The following UBE2E2 variants were observed in gnomAD, a reference collection of about 807,000 sequenced individuals.
UBE2E2 encodes the protein ubiquitin conjugating enzyme E2 E2, also known as ubiquitin-conjugating enzyme E2 E2.
In UBE2E2, 6 loss-of-function variants were observed where a neutral mutation model predicts 24.7. That is an observed-to-expected ratio of 0.24 (90% CI 0.13 to 0.48). The LOEUF (loss-of-function observed/expected upper bound fraction) is 0.48, where lower values mean the gene tolerates loss of function less well. UBE2E2 is among the 20% of genes least tolerant of loss of function. The pLI is 0.99. For missense variants in UBE2E2, 169 were observed against 245.0 expected (o/e 0.69, Z 2.07); for synonymous variants, 104 against 83.6 (o/e 1.24, Z -1.33).
intron 3 of UBE2E2, among the ~76,000 whole-genome samples, chr3:23,443,638 G>C (rs1698355051): frequency 6.6e-6 from 1 of 152,158 alleles, no homozygotes; most frequent in South Asian, 2.1e-4. Context: ...GGCAAGAACT[G>C]CCCCCCGAGG....
intron 5 of UBE2E2, among the ~76,000 whole-genome samples, chr3:23,549,761 G>T (rs1236355796): frequency 2.0e-5 from 3 of 152,198 alleles, no homozygotes; most frequent in Admixed American, 1.3e-4. Context: ...AACCGGGCGC[G>T]GTGGCTCACA....
chr3:23,252,277 G>C (rs1697595424), intron 3 of UBE2E2, among the ~76,000 whole-genome samples: 1 of 152,112 alleles, frequency 6.6e-6, no homozygotes, highest in African/African-American at 2.4e-5. Context: ...ACAGCAGTGT[G>C]TATGATGGTG....
chr3:23,579,567 G>A (rs1351940849), intron 5 of UBE2E2, among the ~76,000 whole-genome samples: 1 of 151,524 alleles, frequency 6.6e-6, no homozygotes, highest in African/African-American at 2.4e-5. Context: ...AGGCATGACG[G>A]TTTGTGTCTG....
At chr3:23,461,686 A>G (rs1698807388) in intron 3 of UBE2E2, among the ~76,000 whole-genome samples, 1 of 152,124 alleles carries the variant, frequency 6.6e-6, no homozygotes, top group South Asian at 2.1e-4. Context: ...ATAAGACACA[A>G]AAGCTCATGT....
chr3:23,337,575 G>A (rs1695247289), intron 3 of UBE2E2, among the ~76,000 whole-genome samples: 2 of 152,160 alleles, frequency 1.3e-5, no homozygotes, highest in Admixed American at 6.5e-5. Flanking sequence ...GGAGTTCAGG[G>A]ACAACTTTAC....
chr3:23,335,408 G>A (rs1431976091), intron 3 of UBE2E2, among the ~76,000 whole-genome samples: 1 of 152,098 alleles, frequency 6.6e-6, no homozygotes, highest in African/African-American at 2.4e-5. Context: ...AGGCATTTTC[G>A]GGGGTAGATT....
At chr3:23,379,144 T>TA (rs1231571707) in intron 3 of UBE2E2, among the ~76,000 whole-genome samples, 1 of 152,196 alleles carries the variant, frequency 6.6e-6, no homozygotes, top group East Asian at 1.9e-4. Flanking sequence ...CTGAAAAATT[T>TA]AAAATACATA....
At chr3:23,329,422 C>T (rs2125298965) in intron 3 of UBE2E2, among the ~76,000 whole-genome samples, 1 of 152,148 alleles carries the variant, frequency 6.6e-6, no homozygotes, top group East Asian at 1.9e-4. Flanking sequence ...TATATTTTGC[C>T]GAAGTATCAA....
chr3:23,209,506 T>G (rs1575471185), intron 2 of UBE2E2, among the ~76,000 whole-genome samples: 1 of 152,344 alleles, frequency 6.6e-6, no homozygotes, highest in East Asian at 1.9e-4. Context: ...TTATAGAATA[T>G]CTCTTGGAAA....
intron 5 of UBE2E2, among the ~76,000 whole-genome samples, chr3:23,575,169 T>C (rs1696320661): frequency 6.6e-6 from 1 of 152,198 alleles, no homozygotes; most frequent in Non-Finnish European, 1.5e-5. Context: ...TTCCTTCATA[T>C]ATTATGTAGT....
At chr3:23,251,333 T>C (rs1168908074) in intron 3 of UBE2E2, among the ~76,000 whole-genome samples, 2 of 152,246 alleles carry the variant, frequency 1.3e-5, no homozygotes, top group Non-Finnish European at 2.9e-5. Context: ...CGTTATTCTC[T>C]GGGTTGACTT....
chr3:23,477,143 A>G (rs1404081594), intron 3 of UBE2E2, among the ~76,000 whole-genome samples: 2 of 151,108 alleles, frequency 1.3e-5, no homozygotes, highest in Non-Finnish European at 2.9e-5. Context: ...GAAGTCTTAC[A>G]TGAATTAGGA....
intron 3 of UBE2E2, among the ~76,000 whole-genome samples, chr3:23,430,510 G>A (rs1179338913): frequency 6.6e-6 from 1 of 151,612 alleles, no homozygotes; most frequent in Non-Finnish European, 1.5e-5. Context: ...TGGTGGTTGT[G>A]TGGCGTTTTT....
intron 3 of UBE2E2, among the ~76,000 whole-genome samples, chr3:23,272,130 G>T (rs758356521): frequency 3.3e-5 from 5 of 152,180 alleles, no homozygotes; most frequent in African/African-American, 4.8e-5. Context: ...CCGCCAGGGG[G>T]CTCGGCCATG....
intron 3 of UBE2E2, among the ~76,000 whole-genome samples, chr3:23,445,223 A>G (rs997555585): frequency 6.6e-6 from 1 of 152,212 alleles, no homozygotes; most frequent in Non-Finnish European, 1.5e-5. Context: ...CAGCCATAGA[A>G]TAAAGTATCC....
At chr3:23,526,306 G>C (rs534117547) in intron 4 of UBE2E2, among the ~76,000 whole-genome samples, 3 of 152,238 alleles carry the variant, frequency 2.0e-5, no homozygotes, top group African/African-American at 4.8e-5. Flanking sequence ...AAAGGAACAT[G>C]GGACAGAAAA....
At chr3:23,408,638 G>A (rs1697425242) in intron 3 of UBE2E2, among the ~76,000 whole-genome samples, 1 of 152,168 alleles carries the variant, frequency 6.6e-6, no homozygotes, top group African/African-American at 2.4e-5. Flanking sequence ...TTTAACACCA[G>A]AGTTGGAAAT....
At chr3:23,332,481 A>G (rs761652464) in intron 3 of UBE2E2, among the ~76,000 whole-genome samples, 7 of 152,200 alleles carry the variant, frequency 4.6e-5, no homozygotes, top group Non-Finnish European at 8.8e-5. Context: ...TAAAATAAAG[A>G]TAAATCACTG....
chr3:23,389,222 C>A (rs1696880813), intron 3 of UBE2E2, among the ~76,000 whole-genome samples: 1 of 152,118 alleles, frequency 6.6e-6, no homozygotes, highest in South Asian at 2.1e-4. Flanking sequence ...GAGATCACAG[C>A]CTCAAGCAAT....
Sources: gnomAD v4.1 joint callset for allele counts (sites outside exome capture counted in the v4.1 genomes callset) on GRCh38, gnomAD v4.1.1 for gene constraint, MANE v1.5 for transcripts, NCBI Gene and HGNC (gene_info 2026-07-23, HGNC 2026-07-21) for gene names.